The following ULK2 variants were observed in gnomAD, a reference collection of about 807,000 sequenced individuals.
The protein encoded by ULK2 is unc-51 like autophagy activating kinase 2, also known as serine/threonine-protein kinase ULK2.
Under a neutral mutation model 127.5 loss-of-function variants are expected in ULK2, and 76 were observed. That is an observed-to-expected ratio of 0.60 (90% CI 0.50 to 0.72). The LOEUF (loss-of-function observed/expected upper bound fraction) is 0.72, where lower values mean the gene tolerates loss of function less well. Ranked by LOEUF, ULK2 falls within the 30% of genes least tolerant of loss-of-function variation. The pLI, the probability that ULK2 is intolerant of heterozygous loss-of-function variation, is 0.00. For synonymous variants in ULK2, 452 were observed against 461.9 expected (o/e 0.98, Z 0.28); for missense variants, 1,144 against 1,295.9 (o/e 0.88, Z 1.80).
intron 12 of ULK2, among the ~76,000 whole-genome samples, chr17:19,823,800 TA>T (rs2041220192): frequency 6.6e-6 from 1 of 152,218 alleles, no homozygotes; most frequent in Non-Finnish European, 1.5e-5. Flanking sequence ...GAACATAACA[TA>T]AGTCTTATTA....
chr17:19,865,454 T>C (rs2042332702), intron 2 of ULK2, among the ~76,000 whole-genome samples: 1 of 152,148 alleles, frequency 6.6e-6, no homozygotes, highest in Non-Finnish European at 1.5e-5. Flanking sequence ...ATGTACAAGA[T>C]GGGTCTGCCT....
At position 19,781,881 on chromosome 17, in the gene ULK2, G is replaced by T. The variant is rs1315778387; in HGVS notation, c.2639+8C>A. ...AAGTCTGGAAATGAATGACAAGGGG[G>T]CACCCACCCCCAGTCTTTGCTCAGC... On this transcript the variant is annotated splice_region_variant and intron_variant, in intron 23 of 26. Coordinates refer to ENST00000395544, the MANE Select transcript of ULK2 (RefSeq NM_014683.4). 2.5e-6 allele frequency: 4 copies of T among 1,610,280 alleles called. No homozygotes were observed. In the South Asian group the frequency reaches 3.3e-5, roughly 13 times the overall value.
intron 13 of ULK2, among the ~76,000 whole-genome samples, chr17:19,813,699 T>C (rs868610963): frequency 6.6e-6 from 1 of 152,128 alleles, no homozygotes; most frequent in South Asian, 2.1e-4. Flanking sequence ...TTGAAACATT[T>C]ACACCAGCAC....
At chr17:19,867,228 G>A in intron 1 of ULK2, 100 bp downstream of exon 1, 1 of 920,686 alleles carries the variant, frequency 1.1e-6, no homozygotes, top group Non-Finnish European at 1.5e-6. Context: ...CGGGCGGCTA[G>A]CCGAGTCGGG....
chr17:19,810,275 T>G, intron 14 of ULK2, 103 bp downstream of exon 14: 1 of 652,056 alleles, frequency 1.5e-6, no homozygotes, highest in Non-Finnish European at 2.4e-6. Context: ...TAATGGACTG[T>G]AAAACAAAAT....
At chr17:19,842,727 A>T (rs951494530) in intron 8 of ULK2, among the ~76,000 whole-genome samples, 6 of 151,976 alleles carry the variant, frequency 3.9e-5, no homozygotes, top group African/African-American at 1.2e-4. Context: ...CCTCCCTCTC[A>T]CCTAGCAGTG....
Position 19,772,624 on chromosome 17 carries a change from C to A in ULK2, c.*3725G>T, listed in dbSNP as rs528694276. 14 of 152,320 alleles carry A rather than the reference C, an allele frequency of 9.2e-5. No individual in the cohort carries two copies. Among genetic ancestry groups the A allele is most frequent in the African/African-American group, 3.1e-4 (13 of 41,580 alleles). 9.4% of individuals were successfully genotyped at this position (152,320 alleles called of 1,614,324 possible). The stretch of plus-strand genomic sequence containing the variant: ...AATTTAAGACTGCTTATAGAAAATA[C>A]GAGGGAGCATAGTTTAAAAAGTGTG... On this transcript the variant is annotated 3_prime_UTR_variant, in exon 27 of 27. Coordinates refer to ENST00000395544, the MANE Select transcript of ULK2 (RefSeq NM_014683.4).
At chr17:19,794,415 G>A (rs930996967) in intron 20 of ULK2, among the ~76,000 whole-genome samples, 13 of 151,918 alleles carry the variant, frequency 8.6e-5, no homozygotes, top group African/African-American at 3.1e-4. Context: ...CAAAACCACG[G>A]ACCTAGGAAA....
intron 9 of ULK2, among the ~76,000 whole-genome samples, chr17:19,838,936 C>T (rs997681590): frequency 2.0e-5 from 3 of 150,644 alleles, no homozygotes; most frequent in Non-Finnish European, 4.4e-5. Flanking sequence ...GAGGCTGAGG[C>T]AGGAGAATGG....
intron 23 of ULK2, 134 bp from the exon 24 acceptor site, chr17:19,781,238 T>C (rs967717205): frequency 1.2e-5 from 8 of 648,456 alleles, no homozygotes; most frequent in Middle Eastern, 3.7e-4. Context: ...TTCTTCTTTC[T>C]TTTCTTTTTT....
At chr17:19,861,841 G>GA (rs1305665060) in intron 3 of ULK2, among the ~76,000 whole-genome samples, 1 of 152,116 alleles carries the variant, frequency 6.6e-6, no homozygotes, top group Non-Finnish European at 1.5e-5. Context: ...CTCAAATGAA[G>GA]AAACGAATTA....
rs538601662 is a variant in ULK2, at chr17:19,867,625, C to G, written c.-208G>C. The G allele has an allele frequency of 2.8e-3, 780 of 274,558 alleles. 5 individuals are homozygous for G. The highest frequency in any genetic ancestry group is 0.014 in the Middle Eastern group (13 of 900). 17.0% of individuals were successfully genotyped at this position (274,558 alleles called of 1,614,324 possible). A position where few individuals can be genotyped will look rare whatever the true frequency, so the allele number is the denominator to read the frequency against. The stretch of plus-strand genomic sequence containing the variant: ...GGAGCCAGGGTCAGCGAGGCCCGGC[C>G]CGGCCCCTGCCGCTCATGGCCCGGC... On this transcript the variant is annotated 5_prime_UTR_variant, in exon 1 of 27. Transcript: ENST00000395544.
In ULK2 at chr17:19,867,732, C is replaced by G. The variant is rs2152404967; in HGVS notation, c.-315G>C. 2 of 169,618 alleles carry G rather than the reference C, an allele frequency of 1.2e-5. No homozygotes were observed. Among genetic ancestry groups the G allele is most frequent in the African/African-American group, 4.8e-5 (2 of 42,042 alleles). The allele number at this position is 169,618 out of a possible 1,614,324, so 10.5% of individuals were successfully genotyped here. ...TGCCGTCACCGTCACTGTGCGCGCC[C>G]AGAGCCGCACACGCGCTCTGAGGCA... On this transcript the variant is annotated 5_prime_UTR_variant, in exon 1 of 27. Transcript: ENST00000395544.
Position 19,833,820 on chromosome 17 carries a change from A to C in ULK2, c.787+4681T>G, listed in dbSNP as rs116989470. Among the ~76,000 whole-genome samples the C allele has an allele frequency of 2.5e-3, 377 of 152,346 alleles. 15 individuals carry two copies. The East Asian group carries it at 0.061, about 25-fold the overall frequency. On this transcript the variant is annotated intron_variant, in intron 10 of 26. Transcript: ENST00000395544. ...AAATGAACAGACTCAGCTGTGCGAC[A>C]TCATCAAGCATAGACCATTAAGTGC...
chr17:19,791,892 C>T (rs912546091), intron 20 of ULK2, among the ~76,000 whole-genome samples: 1 of 149,580 alleles, frequency 6.7e-6, no homozygotes, highest in Non-Finnish European at 1.5e-5. Flanking sequence ...AGCTTCTTCT[C>T]TGACTACCAT....
intron 1 of ULK2, 135 bp downstream of exon 1, chr17:19,867,193 C>T: frequency 9.5e-6 from 6 of 634,080 alleles, no homozygotes; most frequent in Admixed American, 4.0e-5. Context: ...AACGGCGAGA[C>T]GGGCTGCGCG....
At chr17:19,865,160 G>C (rs1044911280) in intron 2 of ULK2, among the ~76,000 whole-genome samples, 2 of 152,310 alleles carry the variant, frequency 1.3e-5, no homozygotes, top group Admixed American at 1.3e-4. Flanking sequence ...ACCAGGTTAA[G>C]TACTTTGAAA....
At chr17:19,833,736 G>C (rs2041521871) in intron 10 of ULK2, among the ~76,000 whole-genome samples, 1 of 152,196 alleles carries the variant, frequency 6.6e-6, no homozygotes, top group Non-Finnish European at 1.5e-5. Context: ...CAGCAAGGCT[G>C]AGAACAGATT....
At chr17:19,837,344 TG>T (rs930953350) in intron 10 of ULK2, among the ~76,000 whole-genome samples, 1 of 151,568 alleles carries the variant, frequency 6.6e-6, no homozygotes, top group African/African-American at 2.4e-5. Flanking sequence ...CACCTGAGCC[TG>T]GGAAAGTCAA....
Sources: allele counts gnomAD v4.1 joint callset (sites outside exome capture counted in the v4.1 genomes callset), GRCh38; gene constraint gnomAD v4.1.1; transcripts MANE v1.5; gene names NCBI Gene and HGNC (gene_info 2026-07-23, HGNC 2026-07-21).